Variants in ARIH1 observed in about 807,000 individuals in gnomAD.
ARIH1 encodes ariadne RBR E3 ubiquitin protein ligase 1.
In ARIH1, 8 loss-of-function variants were observed where a neutral mutation model predicts 85.0. The ratio of observed to expected loss-of-function variants is 0.09; its 90% CI spans 0.06 to 0.17. The LOEUF (loss-of-function observed/expected upper bound fraction) is 0.17. ARIH1 is among the 10% of genes least tolerant of loss of function. The probability of loss-of-function intolerance (pLI) is 1.00; values close to 1 mark genes in which losing one functional copy is unlikely to be tolerated. For synonymous variants in ARIH1, 238 were observed against 253.6 expected (o/e 0.94, Z 0.59); for missense variants, 311 against 718.1 (o/e 0.43, Z 6.48).
At position 72,591,308 on chromosome 15, in the gene ARIH1, T is replaced by G. The variant is rs1365919941; in HGVS notation, c.*8016T>G. The G allele has an allele frequency of 6.6e-6, 1 of 152,038 alleles. No homozygotes were observed. Among genetic ancestry groups the G allele is most frequent in the Non-Finnish European group, 1.5e-5 (1 of 68,002 alleles). 9.4% of individuals were successfully genotyped at this position (152,038 alleles called of 1,614,324 possible). On this transcript the variant is annotated 3_prime_UTR_variant, in exon 14 of 14. Coordinates refer to ENST00000379887, the MANE Select transcript of ARIH1 (RefSeq NM_005744.5). ...GACAGTTTATCCCCCAGAAAGCTTT[T>G]TAGGCTGAAAACGTTTCTATAGATT...
chr15:72,503,340 T>C (rs1265330376), intron 1 of ARIH1, among the ~76,000 whole-genome samples: 1 of 152,196 alleles, frequency 6.6e-6, no homozygotes, highest in Non-Finnish European at 1.5e-5. Context: ...GCAGCTAGAC[T>C]GTTTTATTGT....
chr15:72,515,056 T>C (rs1296472908), intron 1 of ARIH1, among the ~76,000 whole-genome samples: 4 of 152,084 alleles, frequency 2.6e-5, no homozygotes, highest in Non-Finnish European at 4.4e-5. Flanking sequence ...TAATGGATCA[T>C]GGTTGTAATA....
At chr15:72,535,460 G>A (rs1377215326) in intron 2 of ARIH1, among the ~76,000 whole-genome samples, 3 of 152,188 alleles carry the variant, frequency 2.0e-5, no homozygotes, top group Admixed American at 6.5e-5. Context: ...TGAGGGAACT[G>A]TGTTAAATGG....
chr15:72,582,493 T>C lies in ARIH1; in HGVS notation c.1589+306T>C, dbSNP rs1482583049. Among the ~76,000 whole-genome samples, 2 of 152,144 alleles carry C rather than the reference T, an allele frequency of 1.3e-5. No individual in the cohort carries two copies. Among genetic ancestry groups the C allele is most frequent in the East Asian group, 1.9e-4 (1 of 5,204 alleles). On this transcript the variant is annotated intron_variant, in intron 13 of 13. Coordinates refer to ENST00000379887, the MANE Select transcript of ARIH1 (RefSeq NM_005744.5). This position sits in a 1 kb window ranked among gnomAD's most constrained non-coding sequence, Gnocchi z 4.6. The stretch of plus-strand genomic sequence containing the variant: ...GTGGCCTTTAGGATGAGAGTGAGAA[T>C]TGAATGTTGGTCTTAGCCTGAGAAT...
chr15:72,475,005 G>C lies in ARIH1; in HGVS notation c.366G>C (p.Glu122Asp), dbSNP rs770477644. The C allele has an allele frequency of 6.4e-7, 1 of 1,555,746 alleles. No individual in the cohort carries two copies. The highest frequency in any genetic ancestry group is 1.4e-5 in the African/African-American group (1 of 73,654). The change falls in exon 1 of 14, where the codon GAG (glutamate) becomes GAC (aspartate). Residue 122 changes from glutamate to aspartate, a missense_variant. Physicochemically the swap from Glu to Asp is conservative, Grantham distance 45 (BLOSUM62 2). Around this residue, in one of 3 missense-constraint regions of ARIH1, gnomAD observed 157 missense variants for 185.1 expected, o/e 0.85. Coordinates refer to ENST00000379887, the MANE Select transcript of ARIH1 (RefSeq NM_005744.5). Reference sequence around the variant, plus strand: ...TGGAATGTATCCGGGAGGTCAACGAGGTCATCCAGGTGAGGGTGGCCGCCG... The same window carrying C: ...TGGAATGTATCCGGGAGGTCAACGACGTCATCCAGGTGAGGGTGGCCGCCG... ...HMVECIREVN[E>D]VIQNPATITR...
chr15:72,542,037 A>G (rs2064109509), intron 2 of ARIH1, among the ~76,000 whole-genome samples: 1 of 152,230 alleles, frequency 6.6e-6, no homozygotes, highest in African/African-American at 2.4e-5. Context: ...AAGTGTTTCC[A>G]ATAGATGAAA....
chr15:72,474,892 G>T lies in ARIH1; in HGVS notation c.253G>T (p.Gly85Cys). 7.0e-7 allele frequency: 1 copy of T among 1,435,506 alleles called. No individual in the cohort carries two copies. Among genetic ancestry groups the T allele is most frequent in the Non-Finnish European group, 9.2e-7 (1 of 1,088,794 alleles). The allele number at this position is 1,435,506 out of a possible 1,614,324, so 88.9% of individuals were successfully genotyped here. Residue 85 changes from glycine to cysteine, a missense_variant, in exon 1 of 14, where the codon GGC becomes TGC. This residue lies in a region of ARIH1 where 157 missense variants were observed against 185.1 expected (regional missense o/e 0.85). Transcript: ENST00000379887. Reference protein sequence around the residue: ...GPGGGGGGGGGGGGGGPGHEQ... With the variant: ...GPGGGGGGGGCGGGGGPGHEQ... ...CGGCGGTGGCGGCGGCGGCGGCGGC[G>T]GCGGTGGTGGTGGCGGGCCGGGGCA...
At chr15:72,540,142 C>T (rs2064100225) in intron 2 of ARIH1, among the ~76,000 whole-genome samples, 1 of 151,384 alleles carries the variant, frequency 6.6e-6, no homozygotes, top group Non-Finnish European at 1.5e-5. Context: ...CCTGTAGTCC[C>T]AGGTACTTGG....
chr15:72,548,776 C>G (rs1354786096), intron 3 of ARIH1, among the ~76,000 whole-genome samples: 1 of 152,204 alleles, frequency 6.6e-6, no homozygotes, highest in Non-Finnish European at 1.5e-5. Context: ...CATTTTACTA[C>G]TCTCCAAGCA....
chr15:72,564,000 C>G (rs531580660), intron 7 of ARIH1, among the ~76,000 whole-genome samples: 1 of 152,270 alleles, frequency 6.6e-6, no homozygotes, highest in Non-Finnish European at 1.5e-5. Flanking sequence ...TTTGAACTGC[C>G]AGGAAGTTTC....
intron 1 of ARIH1, among the ~76,000 whole-genome samples, chr15:72,499,445 C>T (rs746925256): frequency 6.6e-6 from 1 of 152,062 alleles, no homozygotes; most frequent in Non-Finnish European, 1.5e-5. Context: ...TTTTCTTCCT[C>T]CATCCTTGAG....
chr15:72,476,021 A>G (rs1244017389), intron 1 of ARIH1, among the ~76,000 whole-genome samples: 2 of 152,148 alleles, frequency 1.3e-5, no homozygotes, highest in African/African-American at 4.8e-5. Flanking sequence ...GATTCAGTGC[A>G]ATTTTTAGAA....
In ARIH1 at chr15:72,595,315, GA is replaced by G. The variant is rs1411670895; in HGVS notation, c.*12025del. On this transcript the variant is annotated 3_prime_UTR_variant, in exon 14 of 14. Transcript: ENST00000379887. ...CTGCCTCAGCCTCCTGAGTAGCTAG[GA>G]ATACAGGTGCATGTCACCACACCAG... 1.3e-5 allele frequency: 2 copies of G among 152,196 alleles called. No individual in the cohort carries two copies. Among genetic ancestry groups the G allele is most frequent in the East Asian group, 3.9e-4 (2 of 5,182 alleles). 9.4% of individuals were successfully genotyped at this position (152,196 alleles called of 1,614,324 possible).
chr15:72,532,877 C>T (rs1245374102), intron 2 of ARIH1, among the ~76,000 whole-genome samples: 1 of 152,176 alleles, frequency 6.6e-6, no homozygotes, highest in Non-Finnish European at 1.5e-5. Context: ...GCCTTTGCTT[C>T]ATGATTTTAA....
Position 72,583,370 on chromosome 15 carries a change from A to C in ARIH1, c.*78A>C. Reference sequence around the variant, plus strand: ...TGCAATTAAAACAAAACAAACACAAACAAGGAGGCACTAAGCCTATTCTGA... The same window carrying C: ...TGCAATTAAAACAAAACAAACACAACCAAGGAGGCACTAAGCCTATTCTGA... On this transcript the variant is annotated 3_prime_UTR_variant, in exon 14 of 14. Coordinates refer to ENST00000379887, the MANE Select transcript of ARIH1 (RefSeq NM_005744.5). The C allele has an allele frequency of 8.5e-7, 1 of 1,174,882 alleles. No individual in the cohort carries two copies. The highest frequency in any genetic ancestry group is 1.3e-6 in the Non-Finnish European group (1 of 798,334). The allele number at this position is 1,174,882 out of a possible 1,614,324, so 72.8% of individuals were successfully genotyped here.
chr15:72,530,564 G>C (rs1298783576), intron 2 of ARIH1, among the ~76,000 whole-genome samples: 2 of 152,058 alleles, frequency 1.3e-5, no homozygotes, highest in African/African-American at 4.8e-5. Flanking sequence ...TCTTCTCTAG[G>C]GAAATAACAT....
chr15:72,498,692 T>C (rs1299078681), intron 1 of ARIH1, among the ~76,000 whole-genome samples: 2 of 151,882 alleles, frequency 1.3e-5, no homozygotes, highest in Admixed American at 1.3e-4. Flanking sequence ...AAAAATACAT[T>C]AGCTGGGTGT....
intron 1 of ARIH1, among the ~76,000 whole-genome samples, chr15:72,504,241 G>C (rs1455689417): frequency 2.0e-5 from 3 of 152,094 alleles, no homozygotes; most frequent in Non-Finnish European, 4.4e-5. Flanking sequence ...TTTTAGTAGA[G>C]ATGGCGTTTT....
chr15:72,485,867 A>G (rs1318233764), intron 1 of ARIH1, among the ~76,000 whole-genome samples: 1 of 152,234 alleles, frequency 6.6e-6, no homozygotes, highest in Admixed American at 6.5e-5. Context: ...TGGGATAAAT[A>G]GAAGAATGAG....
Sources: allele counts gnomAD v4.1 joint callset (sites outside exome capture counted in the v4.1 genomes callset), GRCh38; gene constraint gnomAD v4.1.1; regional missense constraint gnomAD v4.1.1; non-coding constraint Gnocchi (gnomAD v3.1); transcripts MANE v1.5; gene names NCBI Gene and HGNC (gene_info 2026-07-23, HGNC 2026-07-21).